Variants in CYP2C19 observed in about 807,000 individuals in gnomAD.
The protein encoded by CYP2C19 is cytochrome P450 2C19.
Under a neutral mutation model 40.9 loss-of-function variants are expected in CYP2C19, and 59 were observed. That is an observed-to-expected ratio of 1.44 (90% CI 1.17 to 1.79). The LOEUF is 1.79. CYP2C19 is among the 40% of genes most tolerant of loss of function. The pLI is 0.00. For synonymous variants in CYP2C19, 253 were observed against 208.7 expected (o/e 1.21, Z -1.83); for missense variants, 754 against 596.9 (o/e 1.26, Z -2.74).
At chr10:94,805,488 G>T (rs1054653518) in intron 5 of CYP2C19, among the ~76,000 whole-genome samples, 2 of 152,158 alleles carry the variant, frequency 1.3e-5, no homozygotes, top group African/African-American at 4.8e-5. Flanking sequence ...TAAGTGTATA[G>T]TGTATTGGCA....
intron 6 of CYP2C19, among the ~76,000 whole-genome samples, chr10:94,826,217 G>A (rs368221074): frequency 0.032 from 4,811 of 151,890 alleles, 122 homozygotes; most frequent in Middle Eastern, 0.13. Flanking sequence ...AGCTTGATGG[G>A]GATGGCATTG....
intron 5 of CYP2C19, among the ~76,000 whole-genome samples, chr10:94,790,557 G>A (rs1848592906): frequency 6.6e-6 from 1 of 152,116 alleles, no homozygotes. Flanking sequence ...AGCATGAAGA[G>A]CTGTTGAATT....
At chr10:94,829,699 G>A (rs918336681) in intron 6 of CYP2C19, among the ~76,000 whole-genome samples, 17 of 152,034 alleles carry the variant, frequency 1.1e-4, no homozygotes, top group Non-Finnish European at 1.5e-5. Flanking sequence ...TGCTGGTGAG[G>A]AACTACGTTC....
intron 8 of CYP2C19, 145 bp from the exon 9 acceptor site, chr10:94,852,588 C>T: frequency 1.2e-6 from 1 of 809,992 alleles, no homozygotes; most frequent in Admixed American, 2.7e-5. Flanking sequence ...ATGCATTCAC[C>T]CAACCACCCA....
In CYP2C19 at chr10:94,820,546, T is replaced by C. The variant is rs1849099937; in HGVS notation, c.870T>C (p.Thr290=). Reference sequence around the variant, plus strand: ...TCACTATTGAAAACTTGGTAATCACTGCAGCTGACTTACTTGGAGCTGGGA... The same window carrying C: ...TCACTATTGAAAACTTGGTAATCACCGCAGCTGACTTACTTGGAGCTGGGA... ...SEFTIENLVI[T]AADLLGAGTE... The change falls in exon 6 of 9, where the codon ACT becomes ACC. Residue 290 remains threonine, a synonymous_variant. Coordinates refer to ENST00000371321, the MANE Select transcript of CYP2C19 (RefSeq NM_000769.4). The C allele has an allele frequency of 3.1e-6, 5 of 1,614,198 alleles. No homozygotes were observed. The highest frequency in any genetic ancestry group is 4.2e-6 in the Non-Finnish European group (5 of 1,180,034).
At chr10:94,788,619 T>A (rs1404347020) in intron 5 of CYP2C19, among the ~76,000 whole-genome samples, 1 of 152,108 alleles carries the variant, frequency 6.6e-6, no homozygotes, top group Non-Finnish European at 1.5e-5. Context: ...TGTTCTTGTG[T>A]TAGTTTGCTG....
At chr10:94,820,813 A>C (rs1849107724) in intron 6 of CYP2C19, among the ~76,000 whole-genome samples, 176 bp downstream of exon 6, 2 of 152,242 alleles carry the variant, frequency 1.3e-5, no homozygotes, top group South Asian at 2.1e-4. Context: ...GGCCTGGTGC[A>C]GTGGCTCATG....
At chr10:94,797,239 A>G (rs953079356) in intron 5 of CYP2C19, among the ~76,000 whole-genome samples, 11 of 152,016 alleles carry the variant, frequency 7.2e-5, no homozygotes, top group Non-Finnish European at 1.0e-4. Flanking sequence ...TTCTGTATCT[A>G]TTGAGATAAT....
intron 1 of CYP2C19, among the ~76,000 whole-genome samples, chr10:94,772,798 G>A (rs568881787): frequency 1.7e-4 from 26 of 152,144 alleles, no homozygotes; most frequent in African/African-American, 5.5e-4. Context: ...GTTTTGAGAC[G>A]GAGTCTCGCT....
intron 5 of CYP2C19, among the ~76,000 whole-genome samples, chr10:94,802,115 GGCACTGATTGGTCCATTTTTCAGA>G (rs1373995003): frequency 0.012 from 1,847 of 152,080 alleles, 56 homozygotes; most frequent in African/African-American, 0.043. Context: ...CATTTTACAG[GGCACTGATTGGTCCATTTTTCAGA>G]GCACTGATTG....
intron 6 of CYP2C19, among the ~76,000 whole-genome samples, chr10:94,831,521 G>A (rs548996582): frequency 2.6e-4 from 39 of 152,214 alleles, no homozygotes; most frequent in African/African-American, 8.2e-4. Flanking sequence ...TCCCACCAAC[G>A]TTGTACAAGG....
chr10:94,845,378 A>G (rs1158040429), intron 7 of CYP2C19, among the ~76,000 whole-genome samples: 1 of 152,176 alleles, frequency 6.6e-6, no homozygotes, highest in South Asian at 2.1e-4. Flanking sequence ...ATTTATTTGC[A>G]TTTGTTCAAT....
intron 5 of CYP2C19, among the ~76,000 whole-genome samples, chr10:94,791,334 A>G (rs1278731031): frequency 6.6e-6 from 1 of 151,958 alleles, no homozygotes; most frequent in Non-Finnish European, 1.5e-5. Flanking sequence ...GGATTCATTA[A>G]CTTTTTGAAG....
intron 6 of CYP2C19, among the ~76,000 whole-genome samples, chr10:94,827,282 C>T (rs1333030949): frequency 2.0e-5 from 3 of 152,004 alleles, no homozygotes; most frequent in Admixed American, 6.6e-5. Context: ...GCTGTGAATC[C>T]GTCTGGTCCT....
intron 7 of CYP2C19, among the ~76,000 whole-genome samples, chr10:94,847,269 T>C (rs969243350): frequency 3.5e-4 from 54 of 152,116 alleles, no homozygotes; most frequent in African/African-American, 1.3e-3. Flanking sequence ...GATGTTCCCC[T>C]TCCTGTGTCC....
At chr10:94,820,749 G>A (rs955472424) in intron 6 of CYP2C19, 112 bp downstream of exon 6, 88 of 1,341,342 alleles carry the variant, frequency 6.6e-5, no homozygotes, top group Non-Finnish European at 8.6e-5. Context: ...AAATTTCTGT[G>A]CCCGCAGCTG....
chr10:94,836,226 C>T (rs1849401347), intron 6 of CYP2C19, among the ~76,000 whole-genome samples: 1 of 152,216 alleles, frequency 6.6e-6, no homozygotes, highest in Non-Finnish European at 1.5e-5. Context: ...AGTAAGATCT[C>T]TTCCTTGTAT....
chr10:94,843,046 T>C, intron 7 of CYP2C19, 22 bp downstream of exon 7: 1 of 1,611,674 alleles, frequency 6.2e-7, no homozygotes, highest in Non-Finnish European at 8.5e-7. Flanking sequence ...TCTCCTACAC[T>C]GCAACTCCAT....
At chr10:94,777,956 GAAA>G (rs1440290689) in intron 3 of CYP2C19, among the ~76,000 whole-genome samples, 3 of 151,138 alleles carry the variant, frequency 2.0e-5, no homozygotes, top group Non-Finnish European at 4.4e-5. Flanking sequence ...AAGAAAAAAA[GAAA>G]ACAACAACAA....
Sources: allele counts gnomAD v4.1 joint callset (sites outside exome capture counted in the v4.1 genomes callset), GRCh38; gene constraint gnomAD v4.1.1; transcripts MANE v1.5; gene names NCBI Gene and HGNC (gene_info 2026-07-23, HGNC 2026-07-21).